Variants in GPR26 observed in about 807,000 individuals in gnomAD.
GPR26 encodes the protein G protein-coupled receptor 26.
Under a neutral mutation model 23.1 loss-of-function variants are expected in GPR26, and 15 were observed. That is an observed-to-expected ratio of 0.65 (90% CI 0.43 to 1.00). The LOEUF (loss-of-function observed/expected upper bound fraction) is 1.00, where lower values mean the gene tolerates loss of function less well. Among genes scored for constraint, GPR26 ranks in the 50% least tolerant of loss-of-function variants. The pLI is 0.00. For missense variants in GPR26, 359 were observed against 470.5 expected (o/e 0.76, Z 2.19); for synonymous variants, 228 against 222.1 (o/e 1.03, Z -0.24).
chr10:123,666,587 G>A lies in GPR26; in HGVS notation c.180G>A (p.Met60Ile). The change falls in exon 1 of 3, where the codon ATG becomes ATA. Residue 60 changes from methionine (M) to isoleucine (I), a missense_variant. By Grantham distance (10) the Met-to-Ile change is conservative. Transcript: ENST00000284674. The part of the protein sequence containing the change: ...CGNLLCTVVN[M>I]PLTLAGVVAQ... Reference sequence around the variant, plus strand: ...ACCTGCTGTGCACCGTGGTCAACATGCCGCTCACGCTGGCCGGCGTCGTGG... The same window carrying A: ...ACCTGCTGTGCACCGTGGTCAACATACCGCTCACGCTGGCCGGCGTCGTGG... 2 of 1,595,984 alleles carry A rather than the reference G, an allele frequency of 1.3e-6. No individual in the cohort carries two copies. Among genetic ancestry groups the A allele is most frequent in the Non-Finnish European group, 8.5e-7 (1 of 1,173,446 alleles).
At position 123,666,575 on chromosome 10, in the gene GPR26, C is replaced by G. The variant is rs772185703; in HGVS notation, c.168C>G (p.Thr56=). The G allele has an allele frequency of 1.9e-5, 30 of 1,597,530 alleles. No individual in the cohort carries two copies. The African/African-American group carries it at 3.2e-4, about 17-fold the overall frequency. Residue 56 remains threonine, a synonymous_variant, in exon 1 of 3, where the codon ACC becomes ACG. Coordinates refer to ENST00000284674, the MANE Select transcript of GPR26 (RefSeq NM_153442.4). The stretch of plus-strand genomic sequence containing the variant: ...TCACGTGCGGGAACCTGCTGTGCAC[C>G]GTGGTCAACATGCCGCTCACGCTGG... The part of the protein sequence containing the change: ...LNLTCGNLLC[T]VVNMPLTLAG...
chr10:123,674,486 G>T lies in GPR26; in HGVS notation c.669-332G>T, dbSNP rs1333682147. Among the ~76,000 whole-genome samples the T allele has an allele frequency of 6.6e-6, 1 of 152,238 alleles. No homozygotes were observed. Among genetic ancestry groups the T allele is most frequent in the Non-Finnish European group, 1.5e-5 (1 of 68,048 alleles). On this transcript the variant is annotated intron_variant, in intron 1 of 2. Coordinates refer to ENST00000284674, the MANE Select transcript of GPR26 (RefSeq NM_153442.4). This position sits in a 1 kb window ranked among gnomAD's most constrained non-coding sequence, Gnocchi z 4.1. ...ACTTGGGCACTGTGCCGGTGGCTTT[G>T]TGTGCTTCACACATGGAATGCATTC... is the stretch of plus-strand genomic sequence containing the variant.
At chr10:123,675,349 G>C (rs1252301786) in intron 2 of GPR26, among the ~76,000 whole-genome samples, 1 of 152,146 alleles carries the variant, frequency 6.6e-6, no homozygotes, top group East Asian at 1.9e-4. Flanking sequence ...TCCCCAACCT[G>C]AACACCCAGG....
rs1191094872 is a variant in GPR26, at chr10:123,688,658, C to T, written c.*498C>T. 1 of 169,318 alleles carries T rather than the reference C, an allele frequency of 5.9e-6. No homozygotes were observed. The highest frequency in any genetic ancestry group is 1.3e-5 in the Non-Finnish European group (1 of 77,710). The allele number at this position is 169,318 out of a possible 1,614,324, so 10.5% of individuals were successfully genotyped here. A position where few individuals can be genotyped will look rare whatever the true frequency, so the allele number is the denominator to read the frequency against. ...CCTCGTCTCCACAGGGTAGTGGTGG[C>T]TGCTTCAACCCAAATATTATTCAGC... On this transcript the variant is annotated 3_prime_UTR_variant, in exon 3 of 3. Coordinates refer to ENST00000284674, the MANE Select transcript of GPR26 (RefSeq NM_153442.4).
Position 123,692,290 on chromosome 10 carries a change from G to T in GPR26, c.*4130G>T. 6.6e-6 allele frequency: 1 copy of T among 152,400 alleles called. No homozygotes were observed. The highest frequency in any genetic ancestry group is 1.5e-5 in the Non-Finnish European group (1 of 68,090). The allele number at this position is 152,400 out of a possible 1,614,324, so 9.4% of individuals were successfully genotyped here. On this transcript the variant is annotated 3_prime_UTR_variant, in exon 3 of 3. Coordinates refer to ENST00000284674, the MANE Select transcript of GPR26 (RefSeq NM_153442.4). ...AACTCTACTGGGGCAGCCTGGCTGT[G>T]GGAGGTGATGACATCTGCCACCTCT...
In GPR26 at chr10:123,697,091, T is replaced by C. The variant is rs1416277174; in HGVS notation, c.*8931T>C. ...CATCCTCTCATGTGTGTCAACATTG[T>C]AGTTTTACATTTACTTTCTTCTAAT... is the stretch of plus-strand genomic sequence containing the variant. On this transcript the variant is annotated 3_prime_UTR_variant, in exon 3 of 3. Transcript: ENST00000284674. Among the ~76,000 whole-genome samples the C allele has an allele frequency of 6.6e-6, 1 of 152,252 alleles. No individual in the cohort carries two copies. Among genetic ancestry groups the C allele is most frequent in the East Asian group, 1.9e-4 (1 of 5,204 alleles).
chr10:123,675,425 G>T (rs1251676611), intron 2 of GPR26, among the ~76,000 whole-genome samples: 1 of 152,114 alleles, frequency 6.6e-6, no homozygotes, highest in Non-Finnish European at 1.5e-5. Context: ...CAGCCAGGTG[G>T]GCATACTTGT....
At chr10:123,675,656 A>G (rs1845296061) in intron 2 of GPR26, among the ~76,000 whole-genome samples, 1 of 152,198 alleles carries the variant, frequency 6.6e-6, no homozygotes, top group Non-Finnish European at 1.5e-5. Context: ...CACTGGAGGG[A>G]AAATAAAAAC....
intron 1 of GPR26, among the ~76,000 whole-genome samples, chr10:123,673,070 T>C (rs1488791104): frequency 6.6e-6 from 1 of 152,210 alleles, no homozygotes; most frequent in African/African-American, 2.4e-5. Context: ...TATTAATTTC[T>C]AGAAATTAAT....
intron 2 of GPR26, among the ~76,000 whole-genome samples, chr10:123,680,619 C>T (rs1393779205): frequency 6.6e-6 from 1 of 152,112 alleles, no homozygotes; most frequent in Non-Finnish European, 1.5e-5. Flanking sequence ...AAAATCAAAA[C>T]CCACCAAGGC....
At chr10:123,678,682 G>A (rs544467707) in intron 2 of GPR26, among the ~76,000 whole-genome samples, 24 of 152,218 alleles carry the variant, frequency 1.6e-4, no homozygotes, top group Non-Finnish European at 3.2e-4. Context: ...GTGGCTGGGC[G>A]CCCCCCTCCA....
rs887948049 is a variant in GPR26 at position 123,694,707 on chromosome 10, A to C, written c.*6547A>C. 1 of 152,432 alleles carries C rather than the reference A, an allele frequency of 6.6e-6. No individual in the cohort carries two copies. Among genetic ancestry groups the C allele is most frequent in the African/African-American group, 2.4e-5 (1 of 41,356 alleles). 9.4% of individuals were successfully genotyped at this position (152,432 alleles called of 1,614,324 possible). A position where few individuals can be genotyped will look rare whatever the true frequency, so the allele number is the denominator to read the frequency against. On this transcript the variant is annotated 3_prime_UTR_variant, in exon 3 of 3. Transcript: ENST00000284674. ...GGAGGAAGGAAAAGAAAAAGAAGGA[A>C]GGAAGGAGTCCTAGCCACTTCTTTC...
In GPR26 at chr10:123,691,522, C is replaced by G. The variant is rs1345742781; in HGVS notation, c.*3362C>G. ...GCAGGTAGATGAGGCCTTCCCATGG[C>G]TACAGTGTGACCCTTGGAGGAACCA... On this transcript the variant is annotated 3_prime_UTR_variant, in exon 3 of 3. Transcript: ENST00000284674. 1 of 152,172 alleles carries G rather than the reference C, an allele frequency of 6.6e-6. No homozygotes were observed. Among genetic ancestry groups the G allele is most frequent in the Non-Finnish European group, 1.5e-5 (1 of 68,038 alleles). 9.4% of individuals were successfully genotyped at this position (152,172 alleles called of 1,614,324 possible). A position where few individuals can be genotyped will look rare whatever the true frequency, so the allele number is the denominator to read the frequency against.
intron 1 of GPR26, among the ~76,000 whole-genome samples, chr10:123,670,659 G>A (rs957257086): frequency 2.6e-5 from 4 of 152,134 alleles, no homozygotes; most frequent in Non-Finnish European, 5.9e-5. Flanking sequence ...CCAGCACCAC[G>A]AGGGGCCTCC....
At chr10:123,677,908 C>T (rs556462115) in intron 2 of GPR26, among the ~76,000 whole-genome samples, 5 of 152,112 alleles carry the variant, frequency 3.3e-5, no homozygotes, top group Non-Finnish European at 7.4e-5. Context: ...TTTAAAAACA[C>T]ACGAGCTCTG....
At chr10:123,679,974 G>C (rs1845351888) in intron 2 of GPR26, among the ~76,000 whole-genome samples, 1 of 152,224 alleles carries the variant, frequency 6.6e-6, no homozygotes, top group Non-Finnish European at 1.5e-5. Context: ...ACATCCAGGG[G>C]TAGGTCCTGG....
chr10:123,669,692 T>TG (rs2133921657), intron 1 of GPR26, among the ~76,000 whole-genome samples: 1 of 152,316 alleles, frequency 6.6e-6, no homozygotes, highest in East Asian at 1.9e-4. Flanking sequence ...AGGAAGCTCC[T>TG]GGTGGTGTCT....
At chr10:123,675,813 TGTGTAC>T (rs765825786) in intron 2 of GPR26, among the ~76,000 whole-genome samples, 3 of 75,918 alleles carry the variant, frequency 4.0e-5, no homozygotes, top group South Asian at 4.4e-4. Flanking sequence ...TGTGTGTGTG[TGTGTAC>T]GTGTGTGTGT....
At chr10:123,680,829 G>T (rs55921586) in intron 2 of GPR26, among the ~76,000 whole-genome samples, 26,052 of 109,442 alleles carry the variant, frequency 0.24, 4,641 homozygotes, top group Non-Finnish European at 0.3. Context: ...TGTTTTTTTG[G>T]GGGGGGGGGT....
Sources: allele counts gnomAD v4.1 joint callset (sites outside exome capture counted in the v4.1 genomes callset), GRCh38; gene constraint gnomAD v4.1.1; non-coding constraint Gnocchi (gnomAD v3.1); transcripts MANE v1.5; gene names NCBI Gene and HGNC (gene_info 2026-07-23, HGNC 2026-07-21).